The following PDE6A variants were observed in gnomAD, a reference collection of about 807,000 sequenced individuals.
PDE6A encodes the protein phosphodiesterase 6A.
Under a neutral mutation model 106.3 loss-of-function variants are expected in PDE6A, and 84 were observed. The ratio of observed to expected loss-of-function variants is 0.79; its 90% CI spans 0.66 to 0.95. The LOEUF is 0.95. Ranked by LOEUF, PDE6A falls within the 40% of genes least tolerant of loss-of-function variation. PDE6A has a pLI of 0.00. For synonymous variants in PDE6A, 394 were observed against 386.6 expected (o/e 1.02, Z -0.23); for missense variants, 1,052 against 1,084.9 (o/e 0.97, Z 0.43).
intron 16 of PDE6A, among the ~76,000 whole-genome samples, 191 bp downstream of exon 16, chr5:149,884,268 ATGTATATATGTGTATATATG>A (rs755750373): frequency 1.4e-5 from 2 of 143,966 alleles, no homozygotes; most frequent in African/African-American, 5.1e-5. Flanking sequence ...GTGTATATAT[ATGTATATATGTGTATATATG>A]TGTATATATG....
rs547693426 is a variant in PDE6A, at chr5:149,934,694, C to T, written c.499G>A (p.Asp167Asn). ...TTGGTCTTGTACTCTGTGAGGATGT[C>T]CACAAAGTCACAGAAATGCTCATCC... is the stretch of plus-strand genomic sequence containing the variant. Reference protein sequence around the residue: ...EEDEHFCDFVDILTEYKTKNI... With the variant: ...EEDEHFCDFVNILTEYKTKNI... Residue 167 changes from aspartate to asparagine, a missense_variant, in exon 2 of 22, where the codon GAC becomes AAC. Physicochemically the swap from Asp to Asn is conservative, Grantham distance 23 (BLOSUM62 1). This residue lies in a region of PDE6A where 913 missense variants were observed against 915.2 expected (regional missense o/e 1.00). Transcript: ENST00000255266. The T allele has an allele frequency of 3.9e-5, 63 of 1,613,936 alleles. No individual in the cohort carries two copies. In the South Asian group the frequency reaches 5.9e-4, roughly 15 times the overall value.
rs1754130361 is a variant in PDE6A, at chr5:149,934,550, T to G, written c.627+16A>C. The G allele has an allele frequency of 6.2e-7, 1 of 1,613,610 alleles. No individual in the cohort carries two copies. The highest frequency in any genetic ancestry group is 1.1e-5 in the South Asian group (1 of 91,088). On this transcript the variant is annotated intron_variant, in intron 2 of 21. Coordinates refer to ENST00000255266, the MANE Select transcript of PDE6A (RefSeq NM_000440.3). ...TGTGCTAGCATGGCTATCCTTAGTC[T>G]CTAAAGCATTCTTACCTCTTCATCT...
intron 4 of PDE6A, among the ~76,000 whole-genome samples, chr5:149,922,568 T>C (rs1410282793): frequency 6.6e-6 from 1 of 152,144 alleles, no homozygotes; most frequent in African/African-American, 2.4e-5. Flanking sequence ...TGCCTCAGCC[T>C]CCCAAAGTGC....
At chr5:149,892,882 C>A (rs1237174702) in intron 13 of PDE6A, among the ~76,000 whole-genome samples, 4 of 152,174 alleles carry the variant, frequency 2.6e-5, no homozygotes, top group Non-Finnish European at 5.9e-5. Flanking sequence ...TTAGGCAAAG[C>A]TAACTGAATC....
intron 18 of PDE6A, 124 bp from the exon 19 acceptor site, chr5:149,867,923 C>G: frequency 8.9e-7 from 1 of 1,125,490 alleles, no homozygotes. Context: ...CCCTGCCACC[C>G]TCACTTTTGC....
chr5:149,920,729 G>A (rs1023384285), intron 5 of PDE6A, among the ~76,000 whole-genome samples: 1 of 151,882 alleles, frequency 6.6e-6, no homozygotes, highest in Admixed American at 6.6e-5. Context: ...AAGAAACTGA[G>A]AATTCAGGTA....
chr5:149,884,571 A>T lies in PDE6A; in HGVS notation c.1935T>A (p.Asn645Lys), dbSNP rs1389863038. The change falls in exon 16 of 22, where the codon AAT (asparagine) becomes AAA (lysine). Residue 645 changes from asparagine (N) to lysine (K), a missense_variant. By Grantham distance (94) the Asn-to-Lys change is moderately conservative. Around this residue, in one of 3 missense-constraint regions of PDE6A, gnomAD observed 913 missense variants for 915.2 expected, o/e 1.00. Coordinates refer to ENST00000255266, the MANE Select transcript of PDE6A (RefSeq NM_000440.3). ...GKTLLRDESL[N>K]IFQNLNRRQH... ...GTCGACGATTGAGGTTTTGAAAGAT[A>T]TTCAGGCTCTAAAGAAAAAAAGAGA... is the stretch of plus-strand genomic sequence containing the variant. 8 of 1,613,126 alleles carry T rather than the reference A, an allele frequency of 5.0e-6. No homozygotes were observed. The highest frequency in any genetic ancestry group is 6.8e-6 in the Non-Finnish European group (8 of 1,179,140).
At chr5:149,889,235 G>C (rs1433226350) in intron 13 of PDE6A, among the ~76,000 whole-genome samples, 1 of 151,794 alleles carries the variant, frequency 6.6e-6, no homozygotes, top group African/African-American at 2.4e-5. Context: ...TTTGAGTATT[G>C]GTCTGCTGTT....
At chr5:149,935,222 A>G (rs1032440552) in intron 1 of PDE6A, among the ~76,000 whole-genome samples, 7 of 151,990 alleles carry the variant, frequency 4.6e-5, no homozygotes, top group Non-Finnish European at 8.8e-5. Flanking sequence ...GTAACTCAAG[A>G]AGGTTAATGT....
At chr5:149,891,141 T>C (rs530904001) in intron 13 of PDE6A, among the ~76,000 whole-genome samples, 1 of 152,200 alleles carries the variant, frequency 6.6e-6, no homozygotes, top group East Asian at 1.9e-4. Context: ...ATGACAGAAA[T>C]GATGACAAAA....
chr5:149,888,363 T>G (rs1752395382), intron 13 of PDE6A, among the ~76,000 whole-genome samples: 1 of 151,830 alleles, frequency 6.6e-6, no homozygotes, highest in African/African-American at 2.4e-5. Flanking sequence ...GCTTGCTTCC[T>G]AGTGTTCACT....
In PDE6A at chr5:149,907,343, C is replaced by T. The variant is rs1287818669; in HGVS notation, c.1034G>A (p.Gly345Asp). The change falls in exon 7 of 22, where the codon GGT (glycine) becomes GAT (aspartate). Residue 345 changes from glycine (G) to aspartate (D), a missense_variant. Transcript: ENST00000255266. ...PPPDHWALVSGLPAYVAQNGL... is the reference protein window; with the variant it reads ...PPPDHWALVSDLPAYVAQNGL... Reference sequence around the variant, plus strand: ...ATTCTGGGCAACATAAGCTGGGAGACCGCTTACTAAAGCCCAATGGTCAGG... The same window carrying T: ...ATTCTGGGCAACATAAGCTGGGAGATCGCTTACTAAAGCCCAATGGTCAGG... 2.5e-6 allele frequency: 4 copies of T among 1,614,052 alleles called. No individual in the cohort carries two copies. In the East Asian group the frequency reaches 6.7e-5, roughly 27 times the overall value.
chr5:149,866,887 G>A (rs557197034), intron 19 of PDE6A: 1 of 154,216 alleles, frequency 6.5e-6, no homozygotes, highest in African/African-American at 2.4e-5. Flanking sequence ...GCTGCTAATT[G>A]TTGGCTGTAG....
At chr5:149,883,721 A>G (rs936541491) in intron 16 of PDE6A, among the ~76,000 whole-genome samples, 185 bp from the exon 17 acceptor site, 3 of 152,200 alleles carry the variant, frequency 2.0e-5, no homozygotes, top group African/African-American at 7.2e-5. Flanking sequence ...CTGATTTGTT[A>G]TCTACTCTTA....
chr5:149,865,046 C>T (rs1033373434), intron 20 of PDE6A, among the ~76,000 whole-genome samples: 19 of 152,090 alleles, frequency 1.2e-4, no homozygotes, highest in Non-Finnish European at 2.8e-4. Context: ...TTGAGACCAT[C>T]CTGGCCAACA....
intron 4 of PDE6A, among the ~76,000 whole-genome samples, chr5:149,925,032 A>G (rs774406030): frequency 6.6e-6 from 1 of 152,206 alleles, no homozygotes; most frequent in Non-Finnish European, 1.5e-5. Context: ...ACATCAGTTC[A>G]ATTCCTAAAT....
chr5:149,878,684 C>T (rs1448106254), intron 17 of PDE6A, among the ~76,000 whole-genome samples: 1 of 152,176 alleles, frequency 6.6e-6, no homozygotes, highest in Non-Finnish European at 1.5e-5. Context: ...AGTATGTAAG[C>T]AAATGTTTTC....
At chr5:149,944,096 T>TGTCACCAGCCTTGG in intron 1 of PDE6A, 104 bp downstream of exon 1, 1 of 808,868 alleles carries the variant, frequency 1.2e-6, no homozygotes, top group South Asian at 1.4e-5. Context: ...AGCACCATGT[T>TGTCACCAGCCTTGG]GTCACCAGCC....
At chr5:149,880,555 C>CA (rs934389246) in intron 17 of PDE6A, among the ~76,000 whole-genome samples, 5 of 150,734 alleles carry the variant, frequency 3.3e-5, no homozygotes, top group East Asian at 2.0e-4. Context: ...ACTAAAAATA[C>CA]AAAAAAAATT....
Sources: allele counts gnomAD v4.1 joint callset (sites outside exome capture counted in the v4.1 genomes callset), GRCh38; gene constraint gnomAD v4.1.1; regional missense constraint gnomAD v4.1.1; transcripts MANE v1.5; gene names NCBI Gene and HGNC (gene_info 2026-07-23, HGNC 2026-07-21).